The following TAF2 variants were observed in gnomAD, a reference collection of about 807,000 sequenced individuals.
TAF2 encodes the protein transcription initiation factor TFIID subunit 2.
In TAF2, 61 loss-of-function variants were observed where a neutral mutation model predicts 138.5. The observed-to-expected ratio is 0.44, with a 90% CI of 0.36 to 0.54. TAF2 has a LOEUF of 0.54. TAF2 is among the 20% of genes least tolerant of loss of function. The pLI, the probability that TAF2 is intolerant of heterozygous loss-of-function variation, is 0.00. For synonymous variants in TAF2, 475 were observed against 469.9 expected (o/e 1.01, Z -0.14); for missense variants, 1,090 against 1,427.9 (o/e 0.76, Z 3.81).
At chr8:119,742,799 T>A in intron 24 of TAF2, 143 bp from the exon 25 acceptor site, 1 of 1,202,530 alleles carries the variant, frequency 8.3e-7, no homozygotes. Context: ...GAAAGAATAC[T>A]AGCTGGGTGG....
At chr8:119,814,403 A>C (rs1268320992) in intron 3 of TAF2, among the ~76,000 whole-genome samples, 3 of 151,764 alleles carry the variant, frequency 2.0e-5, no homozygotes, top group Non-Finnish European at 4.4e-5. Flanking sequence ...TTTAAACTCC[A>C]TGTAGAAGTC....
intron 3 of TAF2, among the ~76,000 whole-genome samples, chr8:119,811,262 A>T (rs971811916): frequency 2.0e-5 from 3 of 152,206 alleles, no homozygotes; most frequent in African/African-American, 7.2e-5. Flanking sequence ...TATGATAATC[A>T]TTTGTCAAAT....
At chr8:119,795,169 A>G (rs190265064) in intron 9 of TAF2, among the ~76,000 whole-genome samples, 11 of 152,186 alleles carry the variant, frequency 7.2e-5, no homozygotes, top group Non-Finnish European at 1.3e-4. Flanking sequence ...ATCTCTGCCT[A>G]TGGGCAGACA....
chr8:119,761,800 C>CA (rs577283547), intron 19 of TAF2: 1,978 of 74,728 alleles, frequency 0.026, 17 homozygotes, highest in Middle Eastern at 0.036. Context: ...AACTTGGTCT[C>CA]AAAAAAAAAA....
At chr8:119,783,166 T>G (rs1263653468) in intron 16 of TAF2, among the ~76,000 whole-genome samples, 1 of 152,202 alleles carries the variant, frequency 6.6e-6, no homozygotes, top group Non-Finnish European at 1.5e-5. Context: ...ATCTAACTTT[T>G]CATTTTGACA....
chr8:119,753,507 CATTT>C (rs1371107146), intron 22 of TAF2, among the ~76,000 whole-genome samples: 1 of 152,120 alleles, frequency 6.6e-6, no homozygotes. Context: ...ATATTGTTCT[CATTT>C]ATTTATAAAT....
At chr8:119,744,154 C>T in intron 24 of TAF2, 134 bp downstream of exon 24, 1 of 883,746 alleles carries the variant, frequency 1.1e-6, no homozygotes, top group Non-Finnish European at 1.8e-6. Context: ...TTATAATCTG[C>T]TACAATTTAA....
chr8:119,735,394 A>T (rs911194287), intron 25 of TAF2, among the ~76,000 whole-genome samples: 1 of 152,170 alleles, frequency 6.6e-6, no homozygotes. Flanking sequence ...ACTAAATATA[A>T]CTTGAAGGTC....
chr8:119,803,721 T>A (rs1824424284), intron 5 of TAF2, among the ~76,000 whole-genome samples, 157 bp downstream of exon 5: 1 of 151,966 alleles, frequency 6.6e-6, no homozygotes. Flanking sequence ...AAATTTTTTT[T>A]TAAGAGGAAT....
intron 3 of TAF2, among the ~76,000 whole-genome samples, chr8:119,810,828 C>T (rs1825002668): frequency 2.0e-5 from 3 of 152,092 alleles, no homozygotes; most frequent in African/African-American, 4.8e-5. Flanking sequence ...TTAAACATTA[C>T]ATATTAATTA....
At chr8:119,756,156 C>T (rs1486320110) in intron 21 of TAF2, 41 bp from the exon 22 acceptor site, 2 of 1,404,366 alleles carry the variant, frequency 1.4e-6, no homozygotes, top group Non-Finnish European at 2.0e-6. Flanking sequence ...TGACCTTTTA[C>T]TGACAGATGC....
rs1284823665 is a variant in TAF2, at chr8:119,802,155, C to G, written c.561-130G>C. 3 of 743,080 alleles carry G rather than the reference C, an allele frequency of 4.0e-6. No homozygotes were observed. In the Admixed American group the frequency reaches 7.7e-5, roughly 19 times the overall value. 46.0% of individuals were successfully genotyped at this position (743,080 alleles called of 1,614,324 possible). ...ACCTTTAGCTATTTGGCTACTGAAG[C>G]TTTTTACTGTACAACCTGAAAAAAA... On this transcript the variant is annotated intron_variant, in intron 5 of 25. Transcript: ENST00000378164.
chr8:119,807,127 C>G (rs999680133), intron 3 of TAF2, among the ~76,000 whole-genome samples: 1 of 152,146 alleles, frequency 6.6e-6, no homozygotes, highest in African/African-American at 2.4e-5. Flanking sequence ...TAAAACAAAT[C>G]AGGATGGGAC....
chr8:119,732,140 G>C lies in TAF2; in HGVS notation c.3384C>G (p.Ser1128Arg), dbSNP rs140155482. Residue 1128 changes from serine to arginine, a missense_variant, in exon 26 of 26, where the codon AGC (serine) becomes AGG (arginine). Ser to Arg is a moderately radical substitution (Grantham distance 110). Transcript: ENST00000378164. ...PLEMSMHPAASAPLSVFTKES... is the reference protein window; with the variant it reads ...PLEMSMHPAARAPLSVFTKES... Reference sequence around the variant, plus strand: ...CCTTAGTAAAGACTGAGAGTGGAGCGCTTGCCGCTGGATGCATACTCATCT... The same window carrying C: ...CCTTAGTAAAGACTGAGAGTGGAGCCCTTGCCGCTGGATGCATACTCATCT... 4.3e-6 allele frequency: 7 copies of C among 1,613,932 alleles called. No individual in the cohort carries two copies. Among genetic ancestry groups the C allele is most frequent in the Admixed American group, 1.7e-5 (1 of 59,978 alleles).
At chr8:119,773,593 G>T (rs1822001273) in intron 18 of TAF2, among the ~76,000 whole-genome samples, 1 of 151,450 alleles carries the variant, frequency 6.6e-6, no homozygotes, top group Admixed American at 6.8e-5. Flanking sequence ...TGAGGAAGAT[G>T]GATCCATTTT....
Position 119,786,845 on chromosome 8 carries a change from C to T in TAF2, c.1793+1493G>A, listed in dbSNP as rs551450087. Among the ~76,000 whole-genome samples, 7 of 152,176 alleles carry T rather than the reference C, an allele frequency of 4.6e-5. No individual in the cohort carries two copies. The East Asian group carries it at 1.4e-3, about 29-fold the overall frequency. The stretch of plus-strand genomic sequence containing the variant: ...GCTGACACAGGAGAATTGCTTGAAC[C>T]GGGAGGCGGAGGTTGCAATGAGCTG... On this transcript the variant is annotated intron_variant, in intron 14 of 25. Transcript: ENST00000378164.
intron 6 of TAF2, among the ~76,000 whole-genome samples, chr8:119,801,273 T>C (rs1031532438): frequency 6.6e-6 from 1 of 152,186 alleles, no homozygotes; most frequent in African/African-American, 2.4e-5. Context: ...ATGCTAAGAC[T>C]CTGTTGGAAA....
At chr8:119,818,793 A>G (rs1405454926) in intron 3 of TAF2, among the ~76,000 whole-genome samples, 1 of 151,926 alleles carries the variant, frequency 6.6e-6, no homozygotes, top group Non-Finnish European at 1.5e-5. Flanking sequence ...AGTATGAAAT[A>G]GAAGTAGAAC....
intron 6 of TAF2, among the ~76,000 whole-genome samples, chr8:119,799,914 ATT>A (rs1335090949): frequency 3.3e-5 from 5 of 152,040 alleles, no homozygotes; most frequent in African/African-American, 1.2e-4. Flanking sequence ...GATGATGAGC[ATT>A]TTTTCATGTG....
Sources: gnomAD v4.1 joint callset for allele counts (sites outside exome capture counted in the v4.1 genomes callset) on GRCh38, gnomAD v4.1.1 for gene constraint, MANE v1.5 for transcripts, NCBI Gene and HGNC (gene_info 2026-07-23, HGNC 2026-07-21) for gene names.